MROH2A: variants seen among roughly 807,000 people sequenced by gnomAD.
MROH2A encodes the protein maestro heat-like repeat-containing protein family member 2A.
MROH2A carries 174 observed loss-of-function variants against 200.4 expected under a neutral mutation model. The observed-to-expected ratio is 0.87, with a 90% CI of 0.77 to 0.98. MROH2A has a LOEUF of 0.98. Ranked by LOEUF, MROH2A falls within the 50% of genes least tolerant of loss-of-function variation. The pLI is 0.00. For missense variants in MROH2A, 2,045 were observed against 2,139.6 expected (o/e 0.96, Z 0.87); for synonymous variants, 829 against 840.4 (o/e 0.99, Z 0.23).
Position 233,795,649 on chromosome 2 carries a change from G to A in MROH2A, c.967-4G>A, listed in dbSNP as rs946493615. 1.9e-6 allele frequency: 3 copies of A among 1,550,902 alleles called. No individual in the cohort carries two copies. The African/African-American group carries it at 4.1e-5, about 21-fold the overall frequency. Reference sequence around the variant, plus strand: ...ACCTGCCACCATTTGCCAATCCACTGCAGGTCTTGAGGCAGATCCTGGAAC... The same window carrying A: ...ACCTGCCACCATTTGCCAATCCACTACAGGTCTTGAGGCAGATCCTGGAAC... On this transcript the variant is annotated splice_region_variant and splice_polypyrimidine_tract_variant and intron_variant, in intron 8 of 41. Coordinates refer to ENST00000389758, the MANE Select transcript of MROH2A (RefSeq NM_001394639.1).
At position 233,802,201 on chromosome 2, in the gene MROH2A, GAGAC is replaced by G. The variant is rs1459750337; in HGVS notation, c.1599_1602del (p.Asp534ThrfsTer5). 3.2e-6 allele frequency: 5 copies of G among 1,550,166 alleles called. No homozygotes were observed. In the East Asian group the frequency reaches 1.2e-4, roughly 38 times the overall value. ...GGTGAGGCTGCTGTGCTACATCATG[GAGAC>G]AGACTACGTGGAAGCTTTGACTCCT... is the stretch of plus-strand genomic sequence containing the variant. On this transcript the variant is annotated frameshift_variant, in exon 15 of 42. Coordinates refer to ENST00000389758, the MANE Select transcript of MROH2A (RefSeq NM_001394639.1). LOFTEE classifies it high-confidence loss of function.
rs1200828677 is a variant in MROH2A, at chr2:233,816,826, A to T, written c.2902A>T (p.Lys968Ter). ...ILSEKEWERE[K>*]AVSLHLYLMW... ...GTCGGAGAAAGAATGGGAGCGGGAAAAGGCCGTGAGCCTCCATCTCTATCT... is the reference window on the plus strand; with the variant it reads ...GTCGGAGAAAGAATGGGAGCGGGAATAGGCCGTGAGCCTCCATCTCTATCT... Residue 968 changes from lysine (K) to a stop codon, truncating the protein, a stop_gained, in exon 27 of 42, where the codon AAG (lysine) becomes TAG (stop). Transcript: ENST00000389758. LOFTEE classifies it high-confidence loss of function. The T allele has an allele frequency of 6.4e-7, 1 of 1,550,456 alleles. No homozygotes were observed. Among genetic ancestry groups the T allele is most frequent in the Non-Finnish European group, 8.7e-7 (1 of 1,146,926 alleles).
intron 1 of MROH2A, among the ~76,000 whole-genome samples, chr2:233,778,688 T>A (rs921204147): frequency 7.2e-4 from 109 of 152,336 alleles, no homozygotes; most frequent in African/African-American, 2.5e-3. Context: ...AGAGAACCCC[T>A]TAAAGGAGTT....
Position 233,809,152 on chromosome 2 carries a change from A to G in MROH2A, c.2322A>G (p.Thr774=). 6.5e-7 allele frequency: 1 copy of G among 1,550,330 alleles called. No homozygotes were observed. The highest frequency in any genetic ancestry group is 8.7e-7 in the Non-Finnish European group (1 of 1,146,806). The change falls in exon 22 of 42, where the codon ACA becomes ACG. Residue 774 remains threonine (T), a synonymous_variant. Coordinates refer to ENST00000389758, the MANE Select transcript of MROH2A (RefSeq NM_001394639.1). ...WRKDHPWRRE[T]VKSALMVMYS... is the part of the protein sequence containing the mutation. ...AGGACCATCCCTGGAGGCGGGAGAC[A>G]GTGAAAAGTGCCCTCATGGTGATGT...
At position 233,811,935 on chromosome 2, in the gene MROH2A, C is replaced by A. The variant is rs527283094; in HGVS notation, c.2627C>A (p.Ala876Glu). 182 of 1,550,104 alleles carry A rather than the reference C, an allele frequency of 1.2e-4. No homozygotes were observed. In the African/African-American group the frequency reaches 2.2e-3, roughly 19 times the overall value. Residue 876 changes from alanine (A) to glutamate (E), a missense_variant, in exon 24 of 42, where the codon GCG becomes GAG. Around this residue, in one of 3 missense-constraint regions of MROH2A, gnomAD observed 1,201 missense variants for 1,311.3 expected, o/e 0.92. Coordinates refer to ENST00000389758, the MANE Select transcript of MROH2A (RefSeq NM_001394639.1). ...CTGGTTTCTCCAGTGCGAGCCTTGG[C>A]GATGGAGGCCCTCTCGCACCTGAGG... is the stretch of plus-strand genomic sequence containing the variant. ...DNLVSPVRAL[A>E]MEALSHLSKL...
chr2:233,831,607 C>T lies in MROH2A; in HGVS notation c.4734+67C>T, dbSNP rs1185084312. On this transcript the variant is annotated intron_variant, in intron 39 of 41. Coordinates refer to ENST00000389758, the MANE Select transcript of MROH2A (RefSeq NM_001394639.1). ...ACACGCTGGCTTGGAGCTGGGGGGT[C>T]GAGATTGCCACAGCTCTTTCTTGGG... 90 of 1,496,246 alleles carry T rather than the reference C, an allele frequency of 6.0e-5. 1 individual carries two copies. The South Asian group carries it at 1.0e-3, about 17-fold the overall frequency. The allele number at this position is 1,496,246 out of a possible 1,614,324, so 92.7% of individuals were successfully genotyped here.
In MROH2A at chr2:233,811,869, G is replaced by GTGT; in HGVS notation, c.2572-8_2572-6dup. On this transcript the variant is annotated splice_polypyrimidine_tract_variant and intron_variant, in intron 23 of 41. Coordinates refer to ENST00000389758, the MANE Select transcript of MROH2A (RefSeq NM_001394639.1). ...CACCAAAAGCCACCACCCCCTGCTT[G>GTGT]TGTTGGACAGGCGGTCATCAAGGCA... 6.5e-7 allele frequency: 1 copy of GTGT among 1,547,806 alleles called. No individual in the cohort carries two copies. The highest frequency in any genetic ancestry group is 8.7e-7 in the Non-Finnish European group (1 of 1,144,574).
At chr2:233,795,152 T>A (rs890099591) in intron 8 of MROH2A, among the ~76,000 whole-genome samples, 19 of 152,070 alleles carry the variant, frequency 1.2e-4, no homozygotes, top group African/African-American at 4.1e-4. Context: ...GAGCCTGAAT[T>A]TTGGAAGGAC....
intron 7 of MROH2A, 92 bp downstream of exon 7, chr2:233,793,916 C>T: frequency 8.1e-7 from 1 of 1,240,156 alleles, no homozygotes; most frequent in Non-Finnish European, 1.0e-6. Context: ...ACCGTCGGGT[C>T]CACACTTACT....
At chr2:233,831,610 G>A in intron 39 of MROH2A, 70 bp downstream of exon 39, 1 of 1,487,518 alleles carries the variant, frequency 6.7e-7, no homozygotes, top group East Asian at 2.5e-5. Flanking sequence ...GGGGGGTCGA[G>A]ATTGCCACAG....
chr2:233,819,383 G>A lies in MROH2A; in HGVS notation c.3271G>A (p.Gly1091Arg). ...CATCCAGAAGCTCTGCGAGAACACT[G>A]GGGCCATGAACCTGCAGCATGACAA... ...SLIQKLCENT[G>R]AMNLQHDKAS... Residue 1091 changes from glycine (G) to arginine (R), a missense_variant, in exon 30 of 42, where the codon GGG (glycine) becomes AGG (arginine). Coordinates refer to ENST00000389758, the MANE Select transcript of MROH2A (RefSeq NM_001394639.1). 1 of 1,550,560 alleles carries A rather than the reference G, an allele frequency of 6.4e-7. No homozygotes were observed. The highest frequency in any genetic ancestry group is 8.7e-7 in the Non-Finnish European group (1 of 1,146,938).
At chr2:233,819,585 C>G in intron 30 of MROH2A, 116 bp downstream of exon 30, 1 of 1,125,142 alleles carries the variant, frequency 8.9e-7, no homozygotes, top group Non-Finnish European at 1.2e-6. Context: ...TCCCCCAACC[C>G]CTGGCTGCTA....
upstream of MROH2A, among the ~76,000 whole-genome samples, chr2:233,777,502 A>G (rs949289531): frequency 2.6e-5 from 4 of 152,246 alleles, no homozygotes; most frequent in African/African-American, 9.6e-5. Flanking sequence ...AGTGCAGAAC[A>G]AGGAATAACG....
At position 233,816,801 on chromosome 2, in the gene MROH2A, G is replaced by T; in HGVS notation, c.2877G>T (p.Leu959Phe). The T allele has an allele frequency of 1.3e-6, 2 of 1,550,368 alleles. No homozygotes were observed. The highest frequency in any genetic ancestry group is 1.7e-6 in the Non-Finnish European group (2 of 1,146,864). Reference sequence around the variant, plus strand: ...CATAGCTCCTGGAAAAGTGGATCTTGTCGGAGAAAGAATGGGAGCGGGAAA... The same window carrying T: ...CATAGCTCCTGGAAAAGTGGATCTTTTCGGAGAAAGAATGGGAGCGGGAAA... ...EMVQLLEKWI[L>F]SEKEWEREKA... Residue 959 changes from leucine (L) to phenylalanine (F), a missense_variant, in exon 27 of 42, where the codon TTG (leucine) becomes TTT (phenylalanine). Leu to Phe is a conservative substitution (Grantham distance 22). Around this residue, in one of 3 missense-constraint regions of MROH2A, gnomAD observed 1,201 missense variants for 1,311.3 expected, o/e 0.92. Transcript: ENST00000389758.
chr2:233,787,980 T>A (rs1293063742), intron 3 of MROH2A, among the ~76,000 whole-genome samples: 4 of 52,100 alleles, frequency 7.7e-5, no homozygotes, highest in African/African-American at 4.3e-4. Flanking sequence ...TACATATATA[T>A]TATATATACA....
intron 3 of MROH2A, among the ~76,000 whole-genome samples, chr2:233,780,666 G>T (rs1019367519): frequency 6.6e-6 from 1 of 152,198 alleles, no homozygotes; most frequent in Non-Finnish European, 1.5e-5. Context: ...TATATACAAT[G>T]TGTAATGACC....
In MROH2A at chr2:233,795,809, C is replaced by T. The variant is rs551494207; in HGVS notation, c.1059+64C>T. ...GGGTGGATCAGCAGGAAGCTGGCGG[C>T]GGGAGGTGGCCTGGCCCACAACTCA... is the stretch of plus-strand genomic sequence containing the variant. On this transcript the variant is annotated intron_variant, in intron 9 of 41. Coordinates refer to ENST00000389758, the MANE Select transcript of MROH2A (RefSeq NM_001394639.1). 7.1e-5 allele frequency: 110 copies of T among 1,550,156 alleles called. 1 individual carries two copies. Among genetic ancestry groups the T allele is most frequent in the Admixed American group, 2.9e-4 (15 of 50,994 alleles).
At position 233,807,449 on chromosome 2, in the gene MROH2A, C is replaced by T; in HGVS notation, c.2079C>T (p.Phe693=). Reference sequence around the variant, plus strand: ...GCTTTCTGTACCGGGCCTTGGGCTTCACCTTGGCCACAGGCCTGGAGGCCA... The same window carrying T: ...GCTTTCTGTACCGGGCCTTGGGCTTTACCTTGGCCACAGGCCTGGAGGCCA... ...EKGFLYRALG[F]TLATGLEASK... is the part of the protein sequence containing the mutation. Residue 693 remains phenylalanine, a synonymous_variant, in exon 20 of 42, where the codon TTC becomes TTT. Transcript: ENST00000389758. This position sits in a 1 kb window ranked among gnomAD's most constrained non-coding sequence, Gnocchi z 4.3. 3.2e-6 allele frequency: 5 copies of T among 1,550,578 alleles called. No homozygotes were observed. Among genetic ancestry groups the T allele is most frequent in the Non-Finnish European group, 4.4e-6 (5 of 1,146,994 alleles).
At chr2:233,800,452 G>A in intron 14 of MROH2A, 137 bp downstream of exon 14, 1 of 610,860 alleles carries the variant, frequency 1.6e-6, no homozygotes, top group Non-Finnish European at 2.9e-6. Flanking sequence ...TCTTCCAGTT[G>A]CCTGGAATTA....
Sources: gnomAD v4.1 joint callset for allele counts (sites outside exome capture counted in the v4.1 genomes callset) on GRCh38, gnomAD v4.1.1 for gene constraint, gnomAD v4.1.1 regional missense constraint, Gnocchi (gnomAD v3.1) non-coding constraint, MANE v1.5 for transcripts, NCBI Gene and HGNC (gene_info 2026-07-23, HGNC 2026-07-21) for gene names.